Variants in DOCK2 observed in about 807,000 individuals in gnomAD.
DOCK2 encodes dedicator of cytokinesis 2.
DOCK2 carries 87 observed loss-of-function variants against 248.9 expected under a neutral mutation model. That is an observed-to-expected ratio of 0.35 (90% CI 0.29 to 0.42). The LOEUF (loss-of-function observed/expected upper bound fraction) is 0.42. Ranked by LOEUF, DOCK2 falls within the 10% of genes least tolerant of loss-of-function variation. DOCK2 has a pLI of 1.00. For synonymous variants in DOCK2, 805 were observed against 821.6 expected (o/e 0.98, Z 0.35); for missense variants, 1,747 against 2,300.2 (o/e 0.76, Z 4.92).
At chr5:169,829,647 AAAGTATT>A (rs1253221708) in intron 26 of DOCK2, among the ~76,000 whole-genome samples, 1 of 152,238 alleles carries the variant, frequency 6.6e-6, no homozygotes, top group Non-Finnish European at 1.5e-5. Flanking sequence ...AATTGACATT[AAAGTATT>A]AAGTATCAAA....
intron 27 of DOCK2, among the ~76,000 whole-genome samples, chr5:169,886,177 C>T (rs889077509): frequency 6.6e-6 from 1 of 151,980 alleles, no homozygotes; most frequent in African/African-American, 2.4e-5. Context: ...TTATTAGTGG[C>T]GTGAGAACAA....
intron 6 of DOCK2, among the ~76,000 whole-genome samples, chr5:169,678,149 T>A (rs1759440084): frequency 6.6e-6 from 1 of 151,988 alleles, no homozygotes; most frequent in Non-Finnish European, 1.5e-5. Context: ...TAAGAGAGTA[T>A]ATGTTAGAAG....
intron 26 of DOCK2, among the ~76,000 whole-genome samples, chr5:169,823,351 C>T (rs1768607504): frequency 6.6e-6 from 1 of 152,168 alleles, no homozygotes; most frequent in Admixed American, 6.5e-5. Context: ...CCCTGATGAA[C>T]ATCAATGCAA....
chr5:169,840,401 C>A (rs1332522185), intron 26 of DOCK2, among the ~76,000 whole-genome samples: 1 of 152,134 alleles, frequency 6.6e-6, no homozygotes, highest in Admixed American at 6.5e-5. Flanking sequence ...GAGATTTCGC[C>A]GGGGACACAG....
At chr5:170,024,608 A>G (rs770413737) in intron 33 of DOCK2, among the ~76,000 whole-genome samples, 9 of 152,204 alleles carry the variant, frequency 5.9e-5, no homozygotes, top group Non-Finnish European at 1.2e-4. Flanking sequence ...AATTTGTTAC[A>G]GTACCACTAT....
At chr5:169,882,486 T>C (rs1581350980) in intron 27 of DOCK2, 1 of 1,338,198 alleles carries the variant, frequency 7.5e-7, no homozygotes, top group East Asian at 2.5e-5. Flanking sequence ...ACCAAAGCTG[T>C]CTCTGCCCCT....
chr5:169,727,209 C>CTT (rs1381416834), intron 22 of DOCK2, among the ~76,000 whole-genome samples: 1 of 152,188 alleles, frequency 6.6e-6, no homozygotes. Flanking sequence ...TTTATGAAGC[C>CTT]TCTCCTCTGT....
intron 44 of DOCK2, among the ~76,000 whole-genome samples, chr5:170,064,953 T>C (rs1331176732): frequency 6.6e-6 from 1 of 151,928 alleles, no homozygotes; most frequent in African/African-American, 2.4e-5. Flanking sequence ...AATAAGTACA[T>C]TGTCAAATCC....
chr5:169,983,138 A>C lies in DOCK2; in HGVS notation c.2870A>C (p.Glu957Ala). ...MGDQHYSFYI[E>A]TFQTSSELVD... ...GACCAGCACTACTCCTTCTACATTG[A>C]GACCTTCCAGACCAGCTCTGAACTT... The change falls in exon 28 of 52, where the codon GAG becomes GCG. Residue 957 changes from glutamate to alanine, a missense_variant. By Grantham distance (107) the Glu-to-Ala change is moderately radical. This residue lies in a region of DOCK2 where 858 missense variants were observed against 1,183.5 expected (regional missense o/e 0.72). Coordinates refer to ENST00000520908, the MANE Select transcript of DOCK2 (RefSeq NM_004946.3). 6.2e-7 allele frequency: 1 copy of C among 1,614,040 alleles called. No individual in the cohort carries two copies. Among genetic ancestry groups the C allele is most frequent in the Non-Finnish European group, 8.5e-7 (1 of 1,179,904 alleles).
chr5:169,798,496 C>G (rs1418554138), intron 25 of DOCK2, among the ~76,000 whole-genome samples: 1 of 152,180 alleles, frequency 6.6e-6, no homozygotes, highest in Non-Finnish European at 1.5e-5. Flanking sequence ...GGATTCATAT[C>G]TTAGTAATGG....
chr5:169,961,104 C>G (rs1379293364), intron 27 of DOCK2, among the ~76,000 whole-genome samples: 2 of 152,188 alleles, frequency 1.3e-5, no homozygotes, highest in Non-Finnish European at 2.9e-5. Context: ...TTTAGGTCAA[C>G]CTGTTGCCCA....
At chr5:169,877,452 A>C (rs950620571) in intron 27 of DOCK2, among the ~76,000 whole-genome samples, 5 of 152,242 alleles carry the variant, frequency 3.3e-5, no homozygotes, top group Non-Finnish European at 7.3e-5. Context: ...AGTTGGAATC[A>C]GTAGCTTATT....
chr5:170,081,954 G>A lies in DOCK2; in HGVS notation c.5400G>A (p.Arg1800=), dbSNP rs1758050510. ...ATGGTGACAAGAAGACACTCACACG[G>A]AAGAAGGTCAATCAGTTCTTCAAGA... The part of the protein sequence containing the change: ...LSDGDKKTLT[R]KKVNQFFKTM... Residue 1800 remains arginine, a synonymous_variant, in exon 51 of 52, where the codon CGG becomes CGA. Transcript: ENST00000520908. 4 of 1,614,066 alleles carry A rather than the reference G, an allele frequency of 2.5e-6. No individual in the cohort carries two copies. Among genetic ancestry groups the A allele is most frequent in the Non-Finnish European group, 1.7e-6 (2 of 1,180,032 alleles).
chr5:169,899,990 A>T (rs1773829907), intron 27 of DOCK2, among the ~76,000 whole-genome samples: 1 of 152,146 alleles, frequency 6.6e-6, no homozygotes, highest in Non-Finnish European at 1.5e-5. Flanking sequence ...TGTCCATTGT[A>T]TTCACTTCAG....
At chr5:170,076,190 C>A in intron 47 of DOCK2, 106 bp downstream of exon 47, 1 of 1,460,090 alleles carries the variant, frequency 6.8e-7, no homozygotes, top group Non-Finnish European at 9.2e-7. Context: ...AAGCTGCTTC[C>A]AAAGAGAAGA....
intron 9 of DOCK2, among the ~76,000 whole-genome samples, chr5:169,690,751 A>T (rs932132583): frequency 2.0e-5 from 3 of 152,208 alleles, no homozygotes; most frequent in Non-Finnish European, 4.4e-5. Context: ...GAACCAATTC[A>T]TGATGTAAAC....
intron 25 of DOCK2, among the ~76,000 whole-genome samples, chr5:169,776,432 T>C (rs1234415762): frequency 3.3e-5 from 5 of 152,134 alleles, no homozygotes; most frequent in Non-Finnish European, 7.4e-5. Context: ...CCCAAAGTGC[T>C]GGGATAACAA....
At chr5:169,927,151 G>T (rs1039931948) in intron 27 of DOCK2, among the ~76,000 whole-genome samples, 4 of 152,230 alleles carry the variant, frequency 2.6e-5, no homozygotes, top group African/African-American at 9.6e-5. Flanking sequence ...ATTTGCAAAA[G>T]TTCAAGATGG....
chr5:170,019,703 T>G (rs1755655309), intron 33 of DOCK2, among the ~76,000 whole-genome samples: 5 of 152,130 alleles, frequency 3.3e-5, no homozygotes, highest in Admixed American at 3.3e-4. Flanking sequence ...ACTTGGACAA[T>G]GAGGTCCATT....
Sources: gnomAD v4.1 joint callset for allele counts (sites outside exome capture counted in the v4.1 genomes callset) on GRCh38, gnomAD v4.1.1 for gene constraint, gnomAD v4.1.1 regional missense constraint, MANE v1.5 for transcripts, NCBI Gene and HGNC (gene_info 2026-07-23, HGNC 2026-07-21) for gene names.